POU6F2: variants seen among roughly 807,000 people sequenced by gnomAD.
The protein encoded by POU6F2 is POU class 6 homeobox 2, also known as POU domain, class 6, transcription factor 2.
In POU6F2, 31 loss-of-function variants were observed where a neutral mutation model predicts 71.3. The ratio of observed to expected loss-of-function variants is 0.43; its 90% CI spans 0.33 to 0.59. POU6F2 has a LOEUF of 0.59. POU6F2 is among the 20% of genes least tolerant of loss of function. The pLI, the probability that POU6F2 is intolerant of heterozygous loss-of-function variation, is 0.04. For missense variants in POU6F2, 783 were observed against 856.8 expected, an observed-to-expected ratio of 0.91 and a Z score of 1.07; for synonymous variants, 347 against 355.7, an observed-to-expected ratio of 0.98 and a Z score of 0.27.
intron 4 of POU6F2, among the ~76,000 whole-genome samples, chr7:39,239,483 G>A (rs1449787731): frequency 2.0e-5 from 3 of 152,098 alleles, no homozygotes; most frequent in Non-Finnish European, 4.4e-5. Context: ...GTGCTTCATT[G>A]TGGAATGCTG....
At chr7:39,213,958 C>T (rs916780099) in intron 4 of POU6F2, among the ~76,000 whole-genome samples, 3 of 152,140 alleles carry the variant, frequency 2.0e-5, no homozygotes, top group African/African-American at 4.8e-5. Context: ...TACCTTTCTT[C>T]GGGGAGTTTC....
chr7:39,432,845 T>C (rs1788139668), intron 6 of POU6F2, among the ~76,000 whole-genome samples: 1 of 152,088 alleles, frequency 6.6e-6, no homozygotes, highest in Admixed American at 6.5e-5. Context: ...ATTTTATTTT[T>C]AAATAAGATG....
rs931851268 is a variant in POU6F2, at chr7:39,397,537, G to T, written c.973-9063G>T. Reference sequence around the variant, plus strand: ...GAGACAGAGTCTCGCTTTGTCACCAGGCTGGAGTACAATGGCGCAATCTGG... The same window carrying T: ...GAGACAGAGTCTCGCTTTGTCACCATGCTGGAGTACAATGGCGCAATCTGG... On this transcript the variant is annotated intron_variant, in intron 5 of 9. Coordinates refer to ENST00000518318, the MANE Select transcript of POU6F2 (RefSeq NM_001370959.1). Among the ~76,000 whole-genome samples, 61 of 148,510 alleles carry T rather than the reference G, an allele frequency of 4.1e-4. 1 individual carries two copies. In the Middle Eastern group the frequency reaches 0.011, roughly 26 times the overall value.
intron 4 of POU6F2, among the ~76,000 whole-genome samples, chr7:39,304,412 C>G (rs939350473): frequency 3.3e-5 from 5 of 152,162 alleles, no homozygotes; most frequent in Admixed American, 3.3e-4. Flanking sequence ...TCAGACGGTT[C>G]ACCATGACTA....
At chr7:39,132,415 G>T (rs1015000442) in intron 2 of POU6F2, 1 of 152,162 alleles carries the variant, frequency 6.6e-6, no homozygotes, top group Non-Finnish European at 1.5e-5. Context: ...AGAGGCAAAT[G>T]ATGACCCTAC....
At chr7:39,010,876 G>C (rs1316223583) in intron 1 of POU6F2, among the ~76,000 whole-genome samples, 4 of 151,740 alleles carry the variant, frequency 2.6e-5, no homozygotes, top group Non-Finnish European at 5.9e-5. Flanking sequence ...TGATTGCACT[G>C]TGGTCTGAGA....
At chr7:39,213,701 A>G (rs565033637) in intron 4 of POU6F2, among the ~76,000 whole-genome samples, 1 of 152,236 alleles carries the variant, frequency 6.6e-6, no homozygotes, top group Non-Finnish European at 1.5e-5. Context: ...TGTCGTGTAT[A>G]CAACAGTATA....
At chr7:39,378,882 G>C (rs1786765555) in intron 5 of POU6F2, among the ~76,000 whole-genome samples, 1 of 152,202 alleles carries the variant, frequency 6.6e-6, no homozygotes, top group Non-Finnish European at 1.5e-5. Context: ...AGTTCTTTAA[G>C]CTCTCTTGAT....
intron 1 of POU6F2, among the ~76,000 whole-genome samples, chr7:39,009,149 C>A (rs991876326): frequency 2.6e-5 from 4 of 151,874 alleles, no homozygotes; most frequent in Non-Finnish European, 5.9e-5. Flanking sequence ...TTCTTCCTAC[C>A]CATGAGCATG....
chr7:39,323,734 G>T (rs182440857), intron 4 of POU6F2, among the ~76,000 whole-genome samples: 1 of 152,122 alleles, frequency 6.6e-6, no homozygotes, highest in Admixed American at 6.6e-5. Context: ...TGGGCACTTG[G>T]CAAATGGCTT....
chr7:39,145,261 C>G (rs1252291258), intron 2 of POU6F2, among the ~76,000 whole-genome samples: 1 of 152,158 alleles, frequency 6.6e-6, no homozygotes, highest in African/African-American at 2.4e-5. Context: ...TGCAGTGAGA[C>G]AAGGTACTAT....
At chr7:39,281,649 A>T (rs1044233205) in intron 4 of POU6F2, among the ~76,000 whole-genome samples, 2 of 152,106 alleles carry the variant, frequency 1.3e-5, no homozygotes, top group African/African-American at 4.8e-5. Flanking sequence ...TTTTTATGGC[A>T]GAATTAATAT....
chr7:39,363,564 G>A (rs1056599178), intron 5 of POU6F2, among the ~76,000 whole-genome samples: 13 of 150,800 alleles, frequency 8.6e-5, no homozygotes, highest in Admixed American at 8.0e-4. Flanking sequence ...CTTTGAGAGC[G>A]AGCCTGGATG....
At chr7:39,265,854 C>T (rs1231798871) in intron 4 of POU6F2, among the ~76,000 whole-genome samples, 1 of 152,176 alleles carries the variant, frequency 6.6e-6, no homozygotes, top group African/African-American at 2.4e-5. Flanking sequence ...AGACGACTCA[C>T]TATGAGTCTG....
In POU6F2 at chr7:38,991,925, C is replaced by T. The variant is rs182441859; in HGVS notation, c.105+13867C>T. 1.2e-3 allele frequency among the ~76,000 whole-genome samples: 176 copies of T among 152,058 alleles called. 2 individuals carry two copies. The highest frequency in any genetic ancestry group is 2.0e-3 in the Non-Finnish European group (136 of 67,984). On this transcript the variant is annotated intron_variant, in intron 1 of 9. Transcript: ENST00000518318. Reference sequence around the variant, plus strand: ...TAACATTTTCTCTTCTCTCTCCATACCCCCTCCTTCCCTTCTCTACAATGG... The same window carrying T: ...TAACATTTTCTCTTCTCTCTCCATATCCCCTCCTTCCCTTCTCTACAATGG...
At chr7:39,412,140 TC>T in intron 6 of POU6F2, among the ~76,000 whole-genome samples, 1 of 152,342 alleles carries the variant, frequency 6.6e-6, no homozygotes, top group Middle Eastern at 3.4e-3. Context: ...GGCCTCTGTT[TC>T]CTCACCAGTA....
At chr7:39,331,365 A>G (rs558201354) in intron 4 of POU6F2, among the ~76,000 whole-genome samples, 5 of 152,326 alleles carry the variant, frequency 3.3e-5, no homozygotes, top group African/African-American at 1.2e-4. Context: ...TTTTCCACAA[A>G]GGCTGTCTTA....
intron 2 of POU6F2, among the ~76,000 whole-genome samples, chr7:39,111,347 G>T (rs1048398655): frequency 6.6e-6 from 1 of 152,228 alleles, no homozygotes; most frequent in East Asian, 1.9e-4. Context: ...TTTCTTGAGA[G>T]AAATTGTTTA....
chr7:39,015,291 A>G (rs1186843998), intron 1 of POU6F2, among the ~76,000 whole-genome samples: 2 of 125,350 alleles, frequency 1.6e-5, no homozygotes, highest in African/African-American at 3.0e-5. Context: ...ATATAGAGAT[A>G]TATCTATAAA....
Sources: gnomAD v4.1 joint callset for allele counts (sites outside exome capture counted in the v4.1 genomes callset) on GRCh38, gnomAD v4.1.1 for gene constraint, MANE v1.5 for transcripts, NCBI Gene and HGNC (gene_info 2026-07-23, HGNC 2026-07-21) for gene names.